Variants in HLA-F observed in about 807,000 individuals in gnomAD.
HLA-F encodes major histocompatibility complex, class I, F.
In HLA-F, 46 loss-of-function variants were observed where a neutral mutation model predicts 49.5. The ratio of observed to expected loss-of-function variants is 0.93; its 90% CI spans 0.73 to 1.19. The LOEUF is 1.19. Among genes scored for constraint, HLA-F ranks in the 50% most tolerant of loss-of-function variants. HLA-F has a pLI of 0.00. For missense variants in HLA-F, 496 were observed against 579.6 expected (o/e 0.86, Z 1.48); for synonymous variants, 203 against 233.5 (o/e 0.87, Z 1.19).
intron 3 of HLA-F, among the ~76,000 whole-genome samples, chr6:29,732,817 G>A (rs1776739674): frequency 6.6e-6 from 1 of 152,154 alleles, no homozygotes; most frequent in South Asian, 2.1e-4. Context: ...CATTCAAAAA[G>A]CAACATTCAA....
Position 29,726,905 on chromosome 6 carries a change from C to G in HLA-F, c.1059C>G (p.Asn353Lys). 1 of 1,605,402 alleles carries G rather than the reference C, an allele frequency of 6.2e-7. No homozygotes were observed. The highest frequency in any genetic ancestry group is 8.5e-7 in the Non-Finnish European group (1 of 1,179,818). ...QAAAYSVVSG[N>K]LMITWWSSLF... ...CAGCCTACTCAGTGGTCAGCGGAAA[C>G]TTGATGATAACATGGTGGTCAAGCT... Residue 353 changes from asparagine to lysine, a missense_variant, in exon 7 of 7, where the codon AAC becomes AAG. By Grantham distance (94) the Asn-to-Lys change is moderately conservative. Transcript: ENST00000259951.
At chr6:29,731,230 TACATA>T (rs1368641106), downstream of HLA-F, among the ~76,000 whole-genome samples, 2,762 of 36,174 alleles carry the variant, frequency 0.076, 67 homozygotes, top group Middle Eastern at 0.17. Flanking sequence ...AGTAGATGGA[TACATA>T]GATAGATAGA....
chr6:29,735,613 G>A (rs1433967904), intron 3 of HLA-F: 1 of 151,756 alleles, frequency 6.6e-6, no homozygotes, highest in Non-Finnish European at 1.5e-5. Context: ...CTTTTGACAG[G>A]TTGATTATAA....
intron 3 of HLA-F, among the ~76,000 whole-genome samples, chr6:29,733,902 A>G (rs1776834708): frequency 6.6e-6 from 1 of 152,222 alleles, no homozygotes; most frequent in South Asian, 2.1e-4. Context: ...TAAAATTACC[A>G]TCACACCTAA....
chr6:29,727,025 G>GA lies in HLA-F; in HGVS notation c.1179_1180insA (p.Phe394IlefsTer26). 1.2e-6 allele frequency: 2 copies of GA among 1,612,542 alleles called. No homozygotes were observed. Among genetic ancestry groups the GA allele is most frequent in the Non-Finnish European group, 1.7e-6 (2 of 1,179,446 alleles). ...GGAAGGTGGGTGACATGTGGATCTT[G>GA]TTTTTTTTGTGGCTGTGGACATCTT... On this transcript the variant is annotated frameshift_variant, in exon 7 of 7. Coordinates refer to ENST00000259951, the MANE Select transcript of HLA-F (RefSeq NM_001098479.2). LOFTEE classifies it high-confidence loss of function.
chr6:29,735,331 T>TTATATATATG, intron 3 of HLA-F: 1 of 93,588 alleles, frequency 1.1e-5, no homozygotes, highest in African/African-American at 4.2e-5. Flanking sequence ...CTATGTATAG[T>TTATATATATG]CATATATATG....
intron 3 of HLA-F, among the ~76,000 whole-genome samples, chr6:29,734,684 T>C (rs1776908151): frequency 6.6e-6 from 1 of 152,324 alleles, no homozygotes; most frequent in South Asian, 2.1e-4. Flanking sequence ...AATTTACCAC[T>C]GTACCCATTG....
At chr6:29,736,166 A>C in intron 3 of HLA-F, 1 of 278,788 alleles carries the variant, frequency 3.6e-6, no homozygotes, top group Non-Finnish European at 7.1e-6. Flanking sequence ...TGACTGACCA[A>C]GCAACCCATG....
In HLA-F at chr6:29,724,234, C is replaced by A. The variant is rs1320102487; in HGVS notation, c.396C>A (p.Arg132=). 6.2e-7 allele frequency: 1 copy of A among 1,613,210 alleles called. No individual in the cohort carries two copies. The highest frequency in any genetic ancestry group is 1.3e-5 in the African/African-American group (1 of 75,050). Residue 132 remains arginine (R), a synonymous_variant, in exon 3 of 7, where the codon CGC becomes CGA. Transcript: ENST00000259951. The part of the protein sequence containing the change: ...CDMGPDGRLL[R]GYHQHAYDGK... ...TGGGGCCCGACGGACGCCTCCTCCG[C>A]GGGTATCACCAGCACGCGTACGACG...
intron 3 of HLA-F, chr6:29,736,538 T>C (rs1777113530): frequency 2.6e-6 from 1 of 379,308 alleles, no homozygotes; most frequent in South Asian, 1.9e-5. Context: ...AAACCATAAG[T>C]GGGCCGTGGA....
chr6:29,729,547 A>C (rs1052997055), downstream of HLA-F, among the ~76,000 whole-genome samples: 1 of 152,266 alleles, frequency 6.6e-6, no homozygotes, highest in Admixed American at 6.5e-5. Context: ...TAAATCTTTT[A>C]GAAGAAAACA....
chr6:29,725,700 GC>G, intron 5 of HLA-F, 137 bp downstream of exon 5: 1 of 761,740 alleles, frequency 1.3e-6, no homozygotes, highest in Non-Finnish European at 2.3e-6. Context: ...GGCCCTGTGT[GC>G]CAGCACCTAC....
At chr6:29,731,166 T>C (rs115050388), downstream of HLA-F, among the ~76,000 whole-genome samples, 1,369 of 152,298 alleles carry the variant, frequency 9.0e-3, 24 homozygotes, top group African/African-American at 0.031. Flanking sequence ...ACAGATTCTA[T>C]TTGTTTATTG....
In HLA-F at chr6:29,726,985, G is replaced by A. The variant is rs1479242026; in HGVS notation, c.1139G>A (p.Ser380Asn). The change falls in exon 7 of 7, where the codon AGT becomes AAT. Residue 380 changes from serine (S) to asparagine (N), a missense_variant. By Grantham distance (46) the Ser-to-Asn change is conservative. Coordinates refer to ENST00000259951, the MANE Select transcript of HLA-F (RefSeq NM_001098479.2). ...TATTTGGGCTGCCTCCGGAGTCACA[G>A]TGTCTTGGGCCGCCGGAAGGTGGGT... ...QGYLGCLRSH[S>N]VLGRRKVGDM... 6.2e-7 allele frequency: 1 copy of A among 1,613,408 alleles called. No individual in the cohort carries two copies. The highest frequency in any genetic ancestry group is 8.5e-7 in the Non-Finnish European group (1 of 1,180,038).
intron 3 of HLA-F, among the ~76,000 whole-genome samples, chr6:29,732,785 G>A (rs1776737371): frequency 6.6e-6 from 1 of 152,100 alleles, no homozygotes; most frequent in Non-Finnish European, 1.5e-5. Flanking sequence ...TTACAACATG[G>A]AAAACTACTT....
intron 3 of HLA-F, among the ~76,000 whole-genome samples, chr6:29,734,645 T>G (rs900613966): frequency 5.9e-5 from 9 of 152,220 alleles, no homozygotes; most frequent in Non-Finnish European, 1.2e-4. Flanking sequence ...AGCCTCTTTT[T>G]TACTGTGATA....
chr6:29,724,775 A>G (rs2127586651), intron 3 of HLA-F, among the ~76,000 whole-genome samples: 1 of 152,110 alleles, frequency 6.6e-6, no homozygotes, highest in African/African-American at 2.4e-5. Context: ...CCTCACACTC[A>G]ATGTGTTTGA....
chr6:29,737,076 A>C (rs1327466356), intron 3 of HLA-F, among the ~76,000 whole-genome samples: 2 of 152,158 alleles, frequency 1.3e-5, no homozygotes, highest in Non-Finnish European at 2.9e-5. Flanking sequence ...GAAATGAAAG[A>C]CTGAGACTTT....
At chr6:29,732,759 A>G (rs1411933439) in intron 3 of HLA-F, among the ~76,000 whole-genome samples, 1 of 152,206 alleles carries the variant, frequency 6.6e-6, no homozygotes, top group Non-Finnish European at 1.5e-5. Context: ...AAAAGCATGT[A>G]AACTTTATAC....
Sources: gnomAD v4.1 joint callset for allele counts (sites outside exome capture counted in the v4.1 genomes callset) on GRCh38, gnomAD v4.1.1 for gene constraint, MANE v1.5 for transcripts, NCBI Gene and HGNC (gene_info 2026-07-23, HGNC 2026-07-21) for gene names.